TM9SF4: variants seen among roughly 807,000 people sequenced by gnomAD.
The protein encoded by TM9SF4 is dinucleotide oxidase disulfide thiol exchanger 3 superfamily member 4.
Under a neutral mutation model 90.4 loss-of-function variants are expected in TM9SF4, and 26 were observed. The observed-to-expected ratio is 0.29, with a 90% CI of 0.21 to 0.40. The LOEUF (loss-of-function observed/expected upper bound fraction) is 0.40. Among genes scored for constraint, TM9SF4 ranks in the 10% least tolerant of loss-of-function variants. TM9SF4 has a pLI of 1.00. For synonymous variants in TM9SF4, 293 were observed against 315.4 expected, an observed-to-expected ratio of 0.93 and a Z score of 0.75; for missense variants, 549 against 834.8, an observed-to-expected ratio of 0.66 and a Z score of 4.22.
At chr20:32,156,208 T>C (rs2046917460) in intron 13 of TM9SF4, among the ~76,000 whole-genome samples, 1 of 152,244 alleles carries the variant, frequency 6.6e-6, no homozygotes, top group Admixed American at 6.5e-5. Context: ...TGCTTTGTAG[T>C]AATACTGTTC....
At position 32,138,471 on chromosome 20, in the gene TM9SF4, T is replaced by A. The variant is rs1600812073; in HGVS notation, c.229+2298T>A. Among the ~76,000 whole-genome samples the A allele has an allele frequency of 3.3e-5, 5 of 152,278 alleles. 1 individual carries two copies. Reference sequence around the variant, plus strand: ...TACTAAAATACAAAATTTAAAAAAATTTGTAAATTTGTAAATCTCTACTAA... The same window carrying A: ...TACTAAAATACAAAATTTAAAAAAAATTGTAAATTTGTAAATCTCTACTAA... On this transcript the variant is annotated intron_variant, in intron 3 of 17. Coordinates refer to ENST00000398022, the MANE Select transcript of TM9SF4 (RefSeq NM_014742.4).
intron 3 of TM9SF4, among the ~76,000 whole-genome samples, chr20:32,138,391 G>T (rs2046623982): frequency 6.6e-6 from 1 of 152,210 alleles, no homozygotes; most frequent in African/African-American, 2.4e-5. Flanking sequence ...CACTTTGGGA[G>T]GCCAGAGTAG....
At chr20:32,164,102 T>G (rs1327711884) in intron 17 of TM9SF4, among the ~76,000 whole-genome samples, 1 of 152,156 alleles carries the variant, frequency 6.6e-6, no homozygotes, top group African/African-American at 2.4e-5. Flanking sequence ...CCCCAATGCC[T>G]TATGTATAAA....
chr20:32,137,055 G>A (rs2046604906), intron 3 of TM9SF4: 5 of 456,906 alleles, frequency 1.1e-5, no homozygotes, highest in Admixed American at 2.3e-5. Flanking sequence ...AACCAAAATT[G>A]GGTAGGACCA....
intron 13 of TM9SF4, among the ~76,000 whole-genome samples, chr20:32,157,319 C>T (rs1040105832): frequency 2.0e-5 from 3 of 152,182 alleles, no homozygotes; most frequent in East Asian, 3.9e-4. Flanking sequence ...TACAGAGGAC[C>T]GACTATGTTG....
chr20:32,142,945 G>A, intron 5 of TM9SF4, 37 bp from the exon 6 acceptor site: 1 of 1,609,084 alleles, frequency 6.2e-7, no homozygotes, highest in African/African-American at 1.3e-5. Context: ...ATCCCTAAGT[G>A]ATGTTCTGTT....
At chr20:32,152,150 G>T (rs1164580347) in intron 12 of TM9SF4, among the ~76,000 whole-genome samples, 2 of 151,854 alleles carry the variant, frequency 1.3e-5, no homozygotes, top group Admixed American at 6.6e-5. Flanking sequence ...GATTATAGGC[G>T]TGAGCCACCA....
At chr20:32,149,602 A>G in intron 9 of TM9SF4, 32 bp from the exon 10 acceptor site, 1 of 1,614,094 alleles carries the variant, frequency 6.2e-7, no homozygotes, top group Non-Finnish European at 8.5e-7. Flanking sequence ...TCCATCTTCA[A>G]CAACCAGCCT....
At chr20:32,113,067 G>A (rs1421793723) in intron 1 of TM9SF4, among the ~76,000 whole-genome samples, 1 of 152,128 alleles carries the variant, frequency 6.6e-6, no homozygotes, top group Non-Finnish European at 1.5e-5. Flanking sequence ...GAGGGGGTGC[G>A]GTAGACCTAC....
intron 9 of TM9SF4, among the ~76,000 whole-genome samples, chr20:32,149,273 C>T (rs886513431): frequency 6.6e-6 from 1 of 151,928 alleles, no homozygotes; most frequent in Admixed American, 6.5e-5. Flanking sequence ...TTTTTTATTA[C>T]ACAAGTAAGA....
chr20:32,123,866 A>ATTTATATATATTTTTTTTT (rs2046377800), intron 1 of TM9SF4, among the ~76,000 whole-genome samples: 1 of 93,980 alleles, frequency 1.1e-5, no homozygotes, highest in Non-Finnish European at 2.0e-5. Flanking sequence ...ATATATATAT[A>ATTTATATATATTTTTTTTT]TTTTTTTTTT....
At chr20:32,132,590 T>C (rs2046535920) in intron 1 of TM9SF4, among the ~76,000 whole-genome samples, 1 of 152,140 alleles carries the variant, frequency 6.6e-6, no homozygotes, top group African/African-American at 2.4e-5. Context: ...GAGAAACTTG[T>C]AGGAACATCT....
intron 10 of TM9SF4, among the ~76,000 whole-genome samples, chr20:32,150,165 TCTGC>T (rs1478232812): frequency 6.6e-6 from 1 of 152,236 alleles, no homozygotes; most frequent in Non-Finnish European, 1.5e-5. Flanking sequence ...TTGGAGTCAG[TCTGC>T]CTAGATTTAC....
chr20:32,120,324 T>G (rs932449998), intron 1 of TM9SF4, among the ~76,000 whole-genome samples: 14 of 152,022 alleles, frequency 9.2e-5, no homozygotes, highest in African/African-American at 3.1e-4. Context: ...AATTTCAGAA[T>G]TTTCAATATA....
intron 1 of TM9SF4, among the ~76,000 whole-genome samples, chr20:32,127,284 T>C (rs1475539050): frequency 2.6e-5 from 4 of 152,260 alleles, no homozygotes; most frequent in East Asian, 1.9e-4. Flanking sequence ...GCCATTGTTA[T>C]GAACATCATC....
intron 13 of TM9SF4, among the ~76,000 whole-genome samples, chr20:32,156,937 A>ATTTTTTTTTTTTT (rs1244272103): frequency 1.6e-5 from 1 of 63,064 alleles, no homozygotes; most frequent in African/African-American, 1.1e-4. Flanking sequence ...TTTCCTGGAC[A>ATTTTTTTTTTTTT]TTTTCTTTTT....
chr20:32,137,627 C>G (rs561193477), intron 3 of TM9SF4, among the ~76,000 whole-genome samples: 1 of 152,314 alleles, frequency 6.6e-6, no homozygotes, highest in Admixed American at 6.5e-5. Flanking sequence ...GTGCCTGACA[C>G]ATAGTAGGCA....
chr20:32,146,600 T>G (rs1453564319), intron 8 of TM9SF4, among the ~76,000 whole-genome samples, 185 bp from the exon 9 acceptor site: 2 of 151,914 alleles, frequency 1.3e-5, no homozygotes, highest in Non-Finnish European at 2.9e-5. Context: ...TGTGCTCTCC[T>G]CCCCTGGTAG....
chr20:32,113,527 T>A (rs2046177427), intron 1 of TM9SF4, among the ~76,000 whole-genome samples: 1 of 152,198 alleles, frequency 6.6e-6, no homozygotes. Context: ...ATTATTTCAT[T>A]GAAACTTGGG....
Sources: gnomAD v4.1 joint callset for allele counts (sites outside exome capture counted in the v4.1 genomes callset) on GRCh38, gnomAD v4.1.1 for gene constraint, MANE v1.5 for transcripts, NCBI Gene and HGNC (gene_info 2026-07-23, HGNC 2026-07-21) for gene names.